Variants in MAGI2 observed in about 807,000 individuals in gnomAD.
The protein encoded by MAGI2 is membrane-associated guanylate kinase, WW and PDZ domain-containing protein 2.
MAGI2 carries 35 observed loss-of-function variants against 133.3 expected under a neutral mutation model. The ratio of observed to expected loss-of-function variants is 0.26; its 90% CI spans 0.20 to 0.35. MAGI2 has a LOEUF of 0.35. Ranked by LOEUF, MAGI2 falls within the 10% of genes least tolerant of loss-of-function variation. MAGI2 has a pLI of 1.00. For missense variants in MAGI2, 1,636 were observed against 1,863.4 expected, an observed-to-expected ratio of 0.88 and a Z score of 2.25; for synonymous variants, 729 against 710.6, an observed-to-expected ratio of 1.03 and a Z score of -0.41.
At chr7:78,178,173 C>A in intron 13 of MAGI2, 71 bp from the exon 14 acceptor site, 1 of 931,574 alleles carries the variant, frequency 1.1e-6, no homozygotes, top group Non-Finnish European at 1.7e-6. Flanking sequence ...CTGAACATAC[C>A]AATGATAAAT....
chr7:78,255,814 A>C (rs780132036), intron 10 of MAGI2, 129 bp downstream of exon 10: 2 of 957,076 alleles, frequency 2.1e-6, no homozygotes, highest in South Asian at 3.0e-5. Flanking sequence ...TTTCTCTCTC[A>C]CTCTTTAAGC....
At chr7:78,802,577 A>G (rs1010045404) in intron 2 of MAGI2, among the ~76,000 whole-genome samples, 7 of 152,172 alleles carry the variant, frequency 4.6e-5, no homozygotes, top group African/African-American at 1.7e-4. Context: ...AGCACGGAGG[A>G]CTTTTAGGGC....
chr7:78,583,573 A>T lies in MAGI2; in HGVS notation c.538+43547T>A, dbSNP rs1174081712. ...GTTTTAGAAGTGAATAAAAACAAAA[A>T]TTTCCCCCAAAATATATCAAGAAAC... On this transcript the variant is annotated intron_variant, in intron 3 of 21. Transcript: ENST00000354212. The T allele has an allele frequency of 5.3e-5, 8 of 152,224 alleles. No individual in the cohort carries two copies. The East Asian group carries it at 1.4e-3, about 26-fold the overall frequency. The allele number at this position is 152,224 out of a possible 1,614,324, so 9.4% of individuals were successfully genotyped here.
chr7:78,713,183 T>C (rs1268674913), intron 2 of MAGI2, among the ~76,000 whole-genome samples: 1 of 152,176 alleles, frequency 6.6e-6, no homozygotes, highest in Non-Finnish European at 1.5e-5. Flanking sequence ...ATTTGGAACC[T>C]TGAATTTAGT....
chr7:79,009,586 T>C (rs543053794), intron 1 of MAGI2, among the ~76,000 whole-genome samples: 1 of 152,274 alleles, frequency 6.6e-6, no homozygotes, highest in East Asian at 1.9e-4. Context: ...CCTCCCATTA[T>C]TCTTTCCTTT....
chr7:78,958,348 C>T (rs1802569822), intron 2 of MAGI2, among the ~76,000 whole-genome samples: 1 of 152,090 alleles, frequency 6.6e-6, no homozygotes, highest in African/African-American at 2.4e-5. Context: ...TAGCAGTGAA[C>T]TTTGTGTCAC....
At chr7:79,211,521 T>C (rs1829495947) in intron 1 of MAGI2, among the ~76,000 whole-genome samples, 1 of 151,734 alleles carries the variant, frequency 6.6e-6, no homozygotes, top group Non-Finnish European at 1.5e-5. Context: ...CTTGAACTCC[T>C]GGGCTCAAGC....
rs116726534 is a variant in MAGI2, at chr7:78,871,762, T to C, written c.418+135328A>G. ...AAAAGAGTTACCATTTGCATGTAAATTTAGCAGGAAGACAATTTTAAATGA... is the reference window on the plus strand; with the variant it reads ...AAAAGAGTTACCATTTGCATGTAAACTTAGCAGGAAGACAATTTTAAATGA... On this transcript the variant is annotated intron_variant, in intron 2 of 21. Coordinates refer to ENST00000354212, the MANE Select transcript of MAGI2 (RefSeq NM_012301.4). Among the ~76,000 whole-genome samples, 324 of 152,230 alleles carry C rather than the reference T, an allele frequency of 2.1e-3. 3 individuals are homozygous for C. Among genetic ancestry groups the C allele is most frequent in the African/African-American group, 7.5e-3 (311 of 41,556 alleles).
At chr7:78,571,664 T>G (rs760850416) in intron 3 of MAGI2, among the ~76,000 whole-genome samples, 2 of 152,122 alleles carry the variant, frequency 1.3e-5, no homozygotes, top group African/African-American at 2.4e-5. Context: ...CTTGAAATGT[T>G]AGGTTTGATC....
intron 3 of MAGI2, among the ~76,000 whole-genome samples, chr7:78,605,362 T>A (rs913947101): frequency 1.3e-5 from 2 of 152,172 alleles, no homozygotes; most frequent in African/African-American, 4.8e-5. Context: ...TGGAGAAGAA[T>A]TTTTGCACTA....
At chr7:79,319,472 T>A (rs1357207615) in intron 1 of MAGI2, among the ~76,000 whole-genome samples, 1 of 152,164 alleles carries the variant, frequency 6.6e-6, no homozygotes, top group Non-Finnish European at 1.5e-5. Context: ...TAACTAAGTC[T>A]GGCCAATCAC....
chr7:79,260,371 CAT>C, intron 1 of MAGI2, among the ~76,000 whole-genome samples: 1 of 6,298 alleles, frequency 1.6e-4, no homozygotes, highest in East Asian at 3.9e-3. Context: ...TAAATACATA[CAT>C]ACATACATAC....
intron 6 of MAGI2, among the ~76,000 whole-genome samples, chr7:78,447,299 C>A (rs908636125): frequency 6.6e-6 from 1 of 151,490 alleles, no homozygotes; most frequent in African/African-American, 2.4e-5. Context: ...TTGGCATATT[C>A]CTCACCTCAT....
chr7:79,293,624 A>G (rs1836675963), intron 1 of MAGI2, among the ~76,000 whole-genome samples: 2 of 152,224 alleles, frequency 1.3e-5, no homozygotes, highest in South Asian at 2.1e-4. Context: ...CAATGACATT[A>G]TAAGGTATGT....
intron 2 of MAGI2, among the ~76,000 whole-genome samples, chr7:78,766,554 G>A (rs1281580053): frequency 6.6e-6 from 1 of 152,108 alleles, no homozygotes; most frequent in African/African-American, 2.4e-5. Flanking sequence ...CTGGCAATGA[G>A]CCTCTTACTT....
intron 2 of MAGI2, among the ~76,000 whole-genome samples, chr7:78,814,406 G>A (rs550228875): frequency 1.1e-4 from 17 of 152,246 alleles, no homozygotes; most frequent in Admixed American, 3.3e-4. Context: ...GTCTACACCC[G>A]TATCTACCAC....
chr7:78,427,753 T>G (rs937109521), intron 6 of MAGI2, among the ~76,000 whole-genome samples: 1 of 152,086 alleles, frequency 6.6e-6, no homozygotes, highest in Non-Finnish European at 1.5e-5. Context: ...TTAATTTATA[T>G]AAACTTCCAA....
At chr7:78,649,817 G>A (rs561197757) in intron 2 of MAGI2, among the ~76,000 whole-genome samples, 2 of 152,078 alleles carry the variant, frequency 1.3e-5, no homozygotes, top group African/African-American at 2.4e-5. Flanking sequence ...TCACTCGTCT[G>A]AACAGTCCTC....
intron 10 of MAGI2, among the ~76,000 whole-genome samples, chr7:78,228,009 T>C (rs1329965127): frequency 6.6e-6 from 1 of 152,210 alleles, no homozygotes; most frequent in African/African-American, 2.4e-5. Context: ...CTGTTGCAAC[T>C]ACTCAACTCT....
Sources: allele counts gnomAD v4.1 joint callset (sites outside exome capture counted in the v4.1 genomes callset), GRCh38; gene constraint gnomAD v4.1.1; transcripts MANE v1.5; gene names NCBI Gene and HGNC (gene_info 2026-07-23, HGNC 2026-07-21).